ANKRD46: variants seen among roughly 807,000 people sequenced by gnomAD.
ANKRD46 encodes the protein ankyrin repeat domain 46.
In ANKRD46, 13 loss-of-function variants were observed where a neutral mutation model predicts 19.8. The observed-to-expected ratio is 0.66, with a 90% CI of 0.43 to 1.04. The LOEUF (loss-of-function observed/expected upper bound fraction) is 1.04, where lower values mean the gene tolerates loss of function less well. Ranked by LOEUF, ANKRD46 falls within the 50% of genes least tolerant of loss-of-function variation. The probability of loss-of-function intolerance (pLI) is 0.00; values close to 1 mark genes in which losing one functional copy is unlikely to be tolerated. For missense variants in ANKRD46, 185 were observed against 274.8 expected (o/e 0.67, Z 2.31); for synonymous variants, 91 against 106.9 (o/e 0.85, Z 0.92).
chr8:100,516,957 G>A (rs62515178), downstream of ANKRD46, among the ~76,000 whole-genome samples: 7,656 of 152,176 alleles, frequency 0.05, 303 homozygotes, highest in Non-Finnish European at 0.074. Context: ...AAGAGACCCC[G>A]GTCCCATACT....
downstream of ANKRD46, among the ~76,000 whole-genome samples, chr8:100,518,791 G>A (rs560106698): frequency 2.6e-5 from 4 of 151,812 alleles, no homozygotes; most frequent in Non-Finnish European, 4.4e-5. Context: ...GGCAGAGCTT[G>A]CAGTGAGCCA....
rs1389166237 is a variant in ANKRD46, at chr8:100,522,113, T to C, written c.*442A>G. The stretch of plus-strand genomic sequence containing the variant: ...TTTTATCTCTTATCCCTAGAGAAAG[T>C]AAATAAAAAGTGGCTCTTGCAAAAA... On this transcript the variant is annotated 3_prime_UTR_variant, in exon 5 of 5. Transcript: ENST00000335659. 4 of 989,874 alleles carry C rather than the reference T, an allele frequency of 4.0e-6. No homozygotes were observed. The African/African-American group carries it at 5.2e-5, about 13-fold the overall frequency. The allele number at this position is 989,874 out of a possible 1,614,324, so 61.3% of individuals were successfully genotyped here.
rs1288739410 is a variant in ANKRD46 at position 100,550,580 on chromosome 8, G to A, written c.-131+9131C>T. On this transcript the variant is annotated intron_variant, in intron 1 of 4. Coordinates refer to ENST00000335659, the MANE Select transcript of ANKRD46 (RefSeq NM_001270377.2). This position sits in a 1 kb window ranked among gnomAD's most constrained non-coding sequence, Gnocchi z 4.4. ...TTTATTGATGGTACACGACAAGATA[G>A]AGCTCTTTGTGGGGTCTGCATGGAA... is the stretch of plus-strand genomic sequence containing the variant. 1 of 178,930 alleles carries A rather than the reference G, an allele frequency of 5.6e-6. No homozygotes were observed. Among genetic ancestry groups the A allele is most frequent in the African/African-American group, 2.5e-5 (1 of 40,670 alleles). 11.1% of individuals were successfully genotyped at this position (178,930 alleles called of 1,614,324 possible).
intron 1 of ANKRD46, among the ~76,000 whole-genome samples, chr8:100,553,541 G>T (rs1812436006): frequency 1.3e-5 from 2 of 152,254 alleles, no homozygotes; most frequent in East Asian, 3.9e-4. Flanking sequence ...TTGAGGTCAG[G>T]AGTTTGAGAC....
downstream of ANKRD46, among the ~76,000 whole-genome samples, chr8:100,515,868 G>GTTTTTTTTTTTTTTTT (rs1371274884): frequency 6.8e-6 from 1 of 147,798 alleles, no homozygotes; most frequent in African/African-American, 2.5e-5. Context: ...CCAGTAACTT[G>GTTTTTTTTTTTTTTTT]TTTTTGTTTT....
At chr8:100,514,033 C>T (rs1017104011) in intron 5 of ANKRD46, among the ~76,000 whole-genome samples, 6 of 152,310 alleles carry the variant, frequency 3.9e-5, no homozygotes, top group Non-Finnish European at 5.9e-5. Context: ...AAGGGAGTAA[C>T]TTTTATTGTG....
Position 100,532,702 on chromosome 8 carries a change from A to T in ANKRD46, c.-28+507T>A, listed in dbSNP as rs1811990209. Among the ~76,000 whole-genome samples, 1 of 152,210 alleles carries T rather than the reference A, an allele frequency of 6.6e-6. No individual in the cohort carries two copies. The highest frequency in any genetic ancestry group is 2.1e-4 in the South Asian group (1 of 4,828). ...ATAAGCTTTAAAAAATTGCAAAAAA[A>T]ATCTCAGAATGTTTTTTAAAAGTTT... On this transcript the variant is annotated intron_variant, in intron 2 of 4. Transcript: ENST00000335659. The surrounding 1 kb of genome is among the most constrained non-coding windows in gnomAD (Gnocchi z 4.7).
Position 100,520,971 on chromosome 8 carries a change from T to C in ANKRD46, c.*1584A>G. 1 of 985,160 alleles carries C rather than the reference T, an allele frequency of 1.0e-6. No individual in the cohort carries two copies. Among genetic ancestry groups the C allele is most frequent in the African/African-American group, 1.7e-5 (1 of 57,314 alleles). 61.0% of individuals were successfully genotyped at this position (985,160 alleles called of 1,614,324 possible). On this transcript the variant is annotated 3_prime_UTR_variant, in exon 5 of 5. Transcript: ENST00000335659. ...TCCAAAGTTTTCTTCTGAATATACTTCAAATTTGAATTGTAGTGTTCTCCA... is the reference window on the plus strand; with the variant it reads ...TCCAAAGTTTTCTTCTGAATATACTCCAAATTTGAATTGTAGTGTTCTCCA...
rs1811999372 is a variant in ANKRD46 at position 100,533,193 on chromosome 8, A to C, written c.-28+16T>G. 1 of 152,260 alleles carries C rather than the reference A, an allele frequency of 6.6e-6. No homozygotes were observed. The highest frequency in any genetic ancestry group is 1.5e-5 in the Non-Finnish European group (1 of 68,038). The allele number at this position is 152,260 out of a possible 1,614,324, so 9.4% of individuals were successfully genotyped here. A position where few individuals can be genotyped will look rare whatever the true frequency, so the allele number is the denominator to read the frequency against. ...TTTCACATCTTGTGAGGAAGTCCACAGTAGTAAATACTCACGTAAGCCTTA... is the reference window on the plus strand; with the variant it reads ...TTTCACATCTTGTGAGGAAGTCCACCGTAGTAAATACTCACGTAAGCCTTA... On this transcript the variant is annotated intron_variant, in intron 2 of 4. Transcript: ENST00000335659.
chr8:100,540,358 T>C (rs1016488621), intron 1 of ANKRD46, among the ~76,000 whole-genome samples: 5 of 152,244 alleles, frequency 3.3e-5, no homozygotes, highest in African/African-American at 1.2e-4. Context: ...TCTTAAACTG[T>C]AGAAACAATA....
intron 1 of ANKRD46, among the ~76,000 whole-genome samples, chr8:100,535,734 A>G (rs1812052519): frequency 6.6e-6 from 1 of 152,212 alleles, no homozygotes; most frequent in Non-Finnish European, 1.5e-5. Flanking sequence ...GTGTGTATCC[A>G]TAGTTTGTCC....
Position 100,529,498 on chromosome 8 carries a change from A to C in ANKRD46, c.311+25T>G. ...GAGATTAATGGGAAGAAATGACTAG[A>C]CTTCTAAAACAACAGAGAACTTACC... On this transcript the variant is annotated intron_variant, in intron 3 of 4. Coordinates refer to ENST00000335659, the MANE Select transcript of ANKRD46 (RefSeq NM_001270377.2). This position sits in a 1 kb window ranked among gnomAD's most constrained non-coding sequence, Gnocchi z 5.8. The C allele has an allele frequency of 6.3e-7, 1 of 1,588,666 alleles. No individual in the cohort carries two copies. Among genetic ancestry groups the C allele is most frequent in the South Asian group, 1.1e-5 (1 of 88,246 alleles).
rs1178663425 is a variant in ANKRD46 at position 100,527,117 on chromosome 8, G to A, written c.470+728C>T. Among the ~76,000 whole-genome samples, 4 of 152,084 alleles carry A rather than the reference G, an allele frequency of 2.6e-5. No individual in the cohort carries two copies. Among genetic ancestry groups the A allele is most frequent in the Non-Finnish European group, 5.9e-5 (4 of 68,008 alleles). ...GAAAAGATGGTGCGCCACCTTTTTGGAGCTCTCTGAACTGCATTCTCCATT... is the reference window on the plus strand; with the variant it reads ...GAAAAGATGGTGCGCCACCTTTTTGAAGCTCTCTGAACTGCATTCTCCATT... On this transcript the variant is annotated intron_variant, in intron 4 of 4. Transcript: ENST00000335659. The surrounding 1 kb of genome is among the most constrained non-coding windows in gnomAD (Gnocchi z 4.0).
chr8:100,529,845 G>A lies in ANKRD46; in HGVS notation c.-12C>T. 3 of 1,611,062 alleles carry A rather than the reference G, an allele frequency of 1.9e-6. No homozygotes were observed. The highest frequency in any genetic ancestry group is 1.7e-4 in the Middle Eastern group (1 of 6,058). The stretch of plus-strand genomic sequence containing the variant: ...AAAACATACGACATTGTTCTGATGT[G>A]GTGGATGGAACACGCCTGTAATGAA... On this transcript the variant is annotated 5_prime_UTR_variant, in exon 3 of 5. Transcript: ENST00000335659. This position sits in a 1 kb window ranked among gnomAD's most constrained non-coding sequence, Gnocchi z 5.8.
At position 100,551,016 on chromosome 8, in the gene ANKRD46, G is replaced by A. The variant is rs146867028; in HGVS notation, c.-131+8695C>T. ...TCCACAACCAACACGTTTGCAGAAG[G>A]ACACGGAAGGCCATGCTAGTGAGCT... On this transcript the variant is annotated intron_variant, in intron 1 of 4. Transcript: ENST00000335659. 3.0e-3 allele frequency: 1,540 copies of A among 520,444 alleles called. 7 individuals carry two copies. Among genetic ancestry groups the A allele is most frequent in the Middle Eastern group, 4.8e-3 (8 of 1,682 alleles). The allele number at this position is 520,444 out of a possible 1,614,324, so 32.2% of individuals were successfully genotyped here. A position where few individuals can be genotyped will look rare whatever the true frequency, so the allele number is the denominator to read the frequency against.
rs1470399592 is a variant in ANKRD46 at position 100,510,488 on chromosome 8, A to T, written c.*89T>A. 3.8e-6 allele frequency: 5 copies of T among 1,305,640 alleles called. No individual in the cohort carries two copies. The South Asian group carries it at 5.5e-5, about 14-fold the overall frequency. The allele number at this position is 1,305,640 out of a possible 1,614,324, so 80.9% of individuals were successfully genotyped here. On this transcript the variant is annotated 3_prime_UTR_variant, in exon 6 of 6. Transcript: ENST00000520552. The surrounding 1 kb of genome is among the most constrained non-coding windows in gnomAD (Gnocchi z 4.9). ...TGCTCCATGACACAAGTCGTGACGG[A>T]AACAGCCCCACCCAACAGGGACGCT...
In ANKRD46 at chr8:100,521,143, C is replaced by A; in HGVS notation, c.*1412G>T. ...AACAGCTATTAAAGAGAGGATAAAG[C>A]CACATGAAAGAGCAAGCCTCAATAC... On this transcript the variant is annotated 3_prime_UTR_variant, in exon 5 of 5. Transcript: ENST00000335659. The A allele has an allele frequency of 3.0e-6, 3 of 984,686 alleles. No homozygotes were observed. Among genetic ancestry groups the A allele is most frequent in the Non-Finnish European group, 3.6e-6 (3 of 829,824 alleles). The allele number at this position is 984,686 out of a possible 1,614,324, so 61.0% of individuals were successfully genotyped here.
chr8:100,551,688 T>C, intron 1 of ANKRD46: 1 of 633,806 alleles, frequency 1.6e-6, no homozygotes. Flanking sequence ...CCCAAATCTA[T>C]TTACTCTGGC....
chr8:100,548,934 G>A lies in ANKRD46; in HGVS notation c.-131+10777C>T, dbSNP rs16898564. On this transcript the variant is annotated intron_variant, in intron 1 of 4. Transcript: ENST00000335659. ...AAACATTTGTTGACTCCTCCCATAA[G>A]CAGGTACATATTAGATAGAAATGCA... Among the ~76,000 whole-genome samples the A allele has an allele frequency of 7.6e-3, 1,154 of 151,616 alleles. 16 individuals are homozygous for A. The highest frequency in any genetic ancestry group is 0.026 in the African/African-American group (1,070 of 41,316).
Sources: allele counts gnomAD v4.1 joint callset (sites outside exome capture counted in the v4.1 genomes callset), GRCh38; gene constraint gnomAD v4.1.1; non-coding constraint Gnocchi (gnomAD v3.1); transcripts MANE v1.5; gene names NCBI Gene and HGNC (gene_info 2026-07-23, HGNC 2026-07-21).